Variants in ZNF536 observed in about 807,000 individuals in gnomAD.
The protein encoded by ZNF536 is zinc finger protein 536.
A neutral mutation model predicts 84.5 loss-of-function variants in ZNF536; 13 were observed. The ratio of observed to expected loss-of-function variants is 0.15; its 90% confidence interval spans 0.10 to 0.24. The LOEUF (loss-of-function observed/expected upper bound fraction) is 0.24. ZNF536 is among the 10% of genes least tolerant of loss of function. The pLI is 1.00. For synonymous variants in ZNF536, 811 were observed against 742.5 expected (o/e 1.09, Z -1.50); for missense variants, 1,536 against 1,747.5 (o/e 0.88, Z 2.16).
In ZNF536 at chr19:30,443,553, C is replaced by A; in HGVS notation, c.-2-8C>A. On this transcript the variant is annotated splice_region_variant and splice_polypyrimidine_tract_variant and intron_variant, in intron 1 of 4. Coordinates refer to ENST00000355537, the MANE Select transcript of ZNF536 (RefSeq NM_014717.3). Reference sequence around the variant, plus strand: ...TGGCACGGATCTGAACTCTGCCTCTCTTTTCAGGGATGGAAGAAGCGAGCC... The same window carrying A: ...TGGCACGGATCTGAACTCTGCCTCTATTTTCAGGGATGGAAGAAGCGAGCC... 6.5e-7 allele frequency: 1 copy of A among 1,528,024 alleles called. No homozygotes were observed. The highest frequency in any genetic ancestry group is 8.8e-7 in the Non-Finnish European group (1 of 1,140,026). 94.7% of individuals were successfully genotyped at this position (1,528,024 alleles called of 1,614,324 possible).
intron 2 of ZNF536, among the ~76,000 whole-genome samples, chr19:30,525,329 CTATTT>C (rs908861459): frequency 2.6e-4 from 39 of 152,224 alleles, no homozygotes; most frequent in Non-Finnish European, 2.1e-4. Context: ...GTGCCCTGGA[CTATTT>C]CTCCCCACCA....
At chr19:30,455,558 C>G (rs1448353367) in intron 2 of ZNF536, among the ~76,000 whole-genome samples, 3 of 151,984 alleles carry the variant, frequency 2.0e-5, no homozygotes, top group Non-Finnish European at 2.9e-5. Context: ...AAAAATTAGC[C>G]AGAGCGGTGG....
At chr19:30,582,487 C>T (rs549066950) in intron 1 of ZNF536, among the ~76,000 whole-genome samples, 110 of 148,780 alleles carry the variant, frequency 7.4e-4, no homozygotes, top group Non-Finnish European at 1.1e-3. Context: ...AACTCCTGGG[C>T]TCAAGTGATC....
intron 1 of ZNF536, among the ~76,000 whole-genome samples, chr19:30,236,418 G>T (rs2144753102): frequency 6.6e-6 from 1 of 150,890 alleles, no homozygotes; most frequent in African/African-American, 2.5e-5. Flanking sequence ...TTTTTGTTTT[G>T]TTTTGTTTCA....
At chr19:30,356,783 T>C (rs970276505) in intron 3 of ZNF536, among the ~76,000 whole-genome samples, 2 of 152,212 alleles carry the variant, frequency 1.3e-5, no homozygotes, top group African/African-American at 4.8e-5. Context: ...CAATTAATCC[T>C]CCCAAATCCC....
chr19:30,644,315 T>C (rs2147369265), intron 1 of ZNF536, among the ~76,000 whole-genome samples: 1 of 152,334 alleles, frequency 6.6e-6, no homozygotes, highest in Admixed American at 6.5e-5. Flanking sequence ...GTTTAAAGTA[T>C]GTACGTCTCC....
At chr19:30,233,623 C>G (rs148022556) in intron 1 of ZNF536, among the ~76,000 whole-genome samples, 3 of 152,180 alleles carry the variant, frequency 2.0e-5, no homozygotes, top group Admixed American at 6.5e-5. Context: ...GTTGGGATTA[C>G]AGGCATGAGG....
chr19:30,636,865 C>T (rs2049087998), intron 1 of ZNF536, among the ~76,000 whole-genome samples: 1 of 152,174 alleles, frequency 6.6e-6, no homozygotes, highest in East Asian at 1.9e-4. Context: ...TTCCTTTCTC[C>T]TGTGCGTTCT....
At chr19:30,443,026 T>C (rs902475181) in intron 1 of ZNF536, among the ~76,000 whole-genome samples, 10 of 142,360 alleles carry the variant, frequency 7.0e-5, no homozygotes, top group Middle Eastern at 3.7e-3. Context: ...TATCATGCCA[T>C]TGAGTGTTTT....
intron 1 of ZNF536, among the ~76,000 whole-genome samples, chr19:30,374,992 C>T (rs1451414658): frequency 2.0e-5 from 3 of 151,964 alleles, no homozygotes; most frequent in African/African-American, 4.8e-5. Context: ...GCCTGGAGAT[C>T]GGGCGCGCGG....
rs1403809023 is a variant in ZNF536, at chr19:30,638,811, A to G, written c.170-71946A>G. Among the ~76,000 whole-genome samples the G allele has an allele frequency of 5.3e-5, 8 of 152,346 alleles. No homozygotes were observed. The South Asian group carries it at 1.4e-3, about 28-fold the overall frequency. ...AAAACTTTATATATCTTTGCAGTCA[A>G]GAACAGGACACATTGCTGTATTATG... On this transcript the variant is annotated intron_variant, in intron 1 of 1. Transcript: ENST00000592773.
At chr19:30,543,755 G>A (rs181244115) in intron 3 of ZNF536, among the ~76,000 whole-genome samples, 6 of 152,260 alleles carry the variant, frequency 3.9e-5, no homozygotes, top group Admixed American at 3.9e-4. Flanking sequence ...GCCCCACCCC[G>A]TCTAGGCCAA....
At chr19:30,624,202 G>A (rs2048593182) in intron 1 of ZNF536, among the ~76,000 whole-genome samples, 1 of 152,124 alleles carries the variant, frequency 6.6e-6, no homozygotes, top group African/African-American at 2.4e-5. Flanking sequence ...TGGTTGCTTG[G>A]CCCTCCAAGT....
Position 30,481,362 on chromosome 19 carries a change from C to A in ZNF536, c.2170+35630C>A, listed in dbSNP as rs945127983. Among the ~76,000 whole-genome samples, 121 of 152,184 alleles carry A rather than the reference C, an allele frequency of 8.0e-4. 6 individuals carry two copies. On this transcript the variant is annotated intron_variant, in intron 2 of 4. Coordinates refer to ENST00000355537, the MANE Select transcript of ZNF536 (RefSeq NM_014717.3). ...TCACACTGGTTTTTCTGGACCCAGGCTTCTTCCCTGTCACTGGGATCTCTC... is the reference window on the plus strand; with the variant it reads ...TCACACTGGTTTTTCTGGACCCAGGATTCTTCCCTGTCACTGGGATCTCTC...
chr19:30,593,335 C>G (rs1015586956), intron 1 of ZNF536, among the ~76,000 whole-genome samples: 9 of 152,164 alleles, frequency 5.9e-5, no homozygotes, highest in Non-Finnish European at 1.2e-4. Context: ...ACTTCAGGGT[C>G]TTCACTAAGA....
chr19:30,329,531 A>G (rs908252077), intron 2 of ZNF536, among the ~76,000 whole-genome samples: 1 of 152,136 alleles, frequency 6.6e-6, no homozygotes, highest in African/African-American at 2.4e-5. Context: ...AACCAATACA[A>G]TGCAACAGCC....
intron 1 of ZNF536, among the ~76,000 whole-genome samples, chr19:30,421,112 C>G (rs1298439552): frequency 6.6e-6 from 1 of 152,170 alleles, no homozygotes; most frequent in African/African-American, 2.4e-5. Flanking sequence ...CTAACCAAGA[C>G]AGGGTCCTTG....
At chr19:30,368,456 C>T (rs1007072103), upstream of ZNF536, among the ~76,000 whole-genome samples, 6 of 152,160 alleles carry the variant, frequency 3.9e-5, no homozygotes, top group Non-Finnish European at 5.9e-5. Context: ...TGAAGTCACA[C>T]GGACGTCCTG....
intron 1 of ZNF536, among the ~76,000 whole-genome samples, chr19:30,394,435 C>G (rs888026354): frequency 6.6e-6 from 1 of 152,098 alleles, no homozygotes; most frequent in African/African-American, 2.4e-5. Context: ...GCCCTCTCCC[C>G]ACTCCCACTT....
Sources: allele counts gnomAD v4.1 joint callset (sites outside exome capture counted in the v4.1 genomes callset), GRCh38; gene constraint gnomAD v4.1.1; transcripts MANE v1.5; gene names NCBI Gene and HGNC (gene_info 2026-07-23, HGNC 2026-07-21).